The following RBM47 variants were observed in gnomAD, a reference collection of about 807,000 sequenced individuals.
RBM47 encodes the protein RNA binding motif protein 47, also known as RNA-binding protein 47.
In RBM47, 21 loss-of-function variants were observed where a neutral mutation model predicts 47.1. That is an observed-to-expected ratio of 0.45 (90% confidence interval 0.32 to 0.64). The LOEUF (loss-of-function observed/expected upper bound fraction) is 0.64, where lower values mean the gene tolerates loss of function less well. Among genes scored for constraint, RBM47 ranks in the 30% least tolerant of loss-of-function variants. RBM47 has a pLI of 0.05. For synonymous variants in RBM47, 375 were observed against 361.7 expected, an observed-to-expected ratio of 1.04 and a Z score of -0.42; for missense variants, 708 against 870.9, an observed-to-expected ratio of 0.81 and a Z score of 2.35.
At chr4:40,563,207 T>C (rs1197257191) in intron 1 of RBM47, among the ~76,000 whole-genome samples, 2 of 152,150 alleles carry the variant, frequency 1.3e-5, no homozygotes, top group African/African-American at 4.8e-5. Flanking sequence ...AATAAATAAA[T>C]AAATAAAATA....
chr4:40,431,635 G>T (rs1208740213), intron 6 of RBM47, among the ~76,000 whole-genome samples: 1 of 146,332 alleles, frequency 6.8e-6, no homozygotes. Context: ...TCCAGCCTGG[G>T]CGACAGAGCG....
intron 1 of RBM47, among the ~76,000 whole-genome samples, chr4:40,602,225 C>T (rs1735345565): frequency 1.3e-5 from 2 of 151,766 alleles, no homozygotes; most frequent in African/African-American, 4.8e-5. Context: ...TTCCATTTTT[C>T]TCCTATGGAG....
At position 40,438,468 on chromosome 4, in the gene RBM47, G is replaced by C; in HGVS notation, c.426C>G (p.Leu142=). The part of the protein sequence containing the change: ...NNYEIRPGRL[L]GVCCSVDNCR... ...AGTTGTCCACGCTGCAGCACACGCC[G>C]AGCAGGCGGCCCGGGCGGATCTCGT... Residue 142 remains leucine, a synonymous_variant, in exon 4 of 7, where the codon CTC becomes CTG. Coordinates refer to ENST00000295971, the MANE Select transcript of RBM47 (RefSeq NM_001098634.2). The C allele has an allele frequency of 1.2e-6, 2 of 1,613,520 alleles. No homozygotes were observed. The highest frequency in any genetic ancestry group is 1.7e-6 in the Non-Finnish European group (2 of 1,179,950).
At chr4:40,466,247 A>G (rs1717996042) in intron 3 of RBM47, among the ~76,000 whole-genome samples, 1 of 148,358 alleles carries the variant, frequency 6.7e-6, no homozygotes, top group Non-Finnish European at 1.5e-5. Context: ...CACCCTGGGT[A>G]ACAGAGTGAG....
chr4:40,600,724 C>T (rs1382412644), intron 1 of RBM47, among the ~76,000 whole-genome samples: 2 of 146,710 alleles, frequency 1.4e-5, no homozygotes, highest in African/African-American at 2.5e-5. Flanking sequence ...CTCATGCTCA[C>T]GCCTGTAATC....
At chr4:40,531,094 G>C (rs758706757) in intron 2 of RBM47, among the ~76,000 whole-genome samples, 18 of 152,006 alleles carry the variant, frequency 1.2e-4, no homozygotes, top group Non-Finnish European at 2.6e-4. Flanking sequence ...GTAAGACTCT[G>C]GAATAAATAA....
At chr4:40,587,709 C>T (rs535917653) in intron 1 of RBM47, among the ~76,000 whole-genome samples, 4 of 152,242 alleles carry the variant, frequency 2.6e-5, no homozygotes, top group African/African-American at 9.6e-5. Context: ...AGATAATGGG[C>T]GTCATAACAC....
At chr4:40,627,555 T>C (rs923757142) in intron 1 of RBM47, among the ~76,000 whole-genome samples, 40 of 152,366 alleles carry the variant, frequency 2.6e-4, no homozygotes, top group African/African-American at 9.1e-4. Context: ...TGATTTAATC[T>C]TGAGCTTCAG....
chr4:40,548,338 G>C (rs957409922), intron 1 of RBM47, among the ~76,000 whole-genome samples: 2 of 152,218 alleles, frequency 1.3e-5, no homozygotes, highest in African/African-American at 4.8e-5. Flanking sequence ...GTGAAGACGG[G>C]CAGGGGAGAG....
At chr4:40,443,717 CAAAAAAAAAAAAAAAAAAAAAAAA>C (rs10581870) in intron 3 of RBM47, among the ~76,000 whole-genome samples, 2 of 47,720 alleles carry the variant, frequency 4.2e-5, no homozygotes, top group African/African-American at 1.7e-4. Flanking sequence ...AACTCCTTCT[CAAAAAAAAAAAAAAAAAAAAAAAA>C]AAAAAAAAAA....
intron 1 of RBM47, among the ~76,000 whole-genome samples, chr4:40,581,109 A>C (rs998845430): frequency 6.6e-6 from 1 of 151,910 alleles, no homozygotes; most frequent in Non-Finnish European, 1.5e-5. Context: ...CATAGGAGGG[A>C]GCTTGGGTTT....
intron 3 of RBM47, among the ~76,000 whole-genome samples, chr4:40,462,610 C>G (rs1404025983): frequency 6.6e-6 from 1 of 152,132 alleles, no homozygotes; most frequent in Non-Finnish European, 1.5e-5. Flanking sequence ...CAAACGCTTG[C>G]TTTCACCTGT....
At chr4:40,436,856 A>G (rs1712513718) in intron 4 of RBM47, 1 of 691,258 alleles carries the variant, frequency 1.4e-6, no homozygotes, top group Non-Finnish European at 2.6e-6. Context: ...ACAAGAGGCA[A>G]ACTTGCAGGG....
chr4:40,607,994 A>G (rs537620495), intron 1 of RBM47, among the ~76,000 whole-genome samples: 1 of 151,614 alleles, frequency 6.6e-6, no homozygotes, highest in Non-Finnish European at 1.5e-5. Flanking sequence ...AGACCCAGCT[A>G]CTCAGCAGGC....
intron 2 of RBM47, among the ~76,000 whole-genome samples, chr4:40,506,509 T>A (rs1268994965): frequency 6.6e-6 from 1 of 152,212 alleles, no homozygotes; most frequent in African/African-American, 2.4e-5. Flanking sequence ...AAGGTAAAAG[T>A]TCTATACAGA....
chr4:40,543,126 G>C (rs1728704369), intron 2 of RBM47: 1 of 152,202 alleles, frequency 6.6e-6, no homozygotes, highest in Admixed American at 6.5e-5. Flanking sequence ...TTTTGCAAAT[G>C]TTAAAGTCTG....
At chr4:40,618,204 C>G (rs905682797) in intron 1 of RBM47, among the ~76,000 whole-genome samples, 1 of 151,668 alleles carries the variant, frequency 6.6e-6, no homozygotes, top group African/African-American at 2.4e-5. Flanking sequence ...GATTGTACCA[C>G]ACTCCAGCCT....
intron 2 of RBM47, among the ~76,000 whole-genome samples, chr4:40,501,333 A>G (rs1723332887): frequency 6.6e-6 from 1 of 152,236 alleles, no homozygotes; most frequent in Admixed American, 6.5e-5. Flanking sequence ...AAGCAGAAAG[A>G]GGATTGGTAT....
chr4:40,534,856 AC>A (rs1383212420), intron 2 of RBM47, among the ~76,000 whole-genome samples: 1 of 150,634 alleles, frequency 6.6e-6, no homozygotes, highest in African/African-American at 2.5e-5. Context: ...AATGGCGTGA[AC>A]CCGGGAGGCG....
Sources: gnomAD v4.1 joint callset for allele counts (sites outside exome capture counted in the v4.1 genomes callset) on GRCh38, gnomAD v4.1.1 for gene constraint, MANE v1.5 for transcripts, NCBI Gene and HGNC (gene_info 2026-07-23, HGNC 2026-07-21) for gene names.